The following TPRG1 variants were observed in gnomAD, a reference collection of about 807,000 sequenced individuals.
The protein encoded by TPRG1 is tumor protein p63 regulated 1.
In TPRG1, 29 loss-of-function variants were observed where a neutral mutation model predicts 29.3. The observed-to-expected ratio is 0.99, with a 90% CI of 0.74 to 1.35. The LOEUF (loss-of-function observed/expected upper bound fraction) is 1.35, where lower values mean the gene tolerates loss of function less well. Among genes scored for constraint, TPRG1 ranks in the 40% most tolerant of loss-of-function variants. The pLI is 0.00. For missense variants in TPRG1, 327 were observed against 335.0 expected (o/e 0.98, Z 0.19); for synonymous variants, 130 against 116.8 (o/e 1.11, Z -0.73).
chr3:189,049,086 G>C (rs916015021), intron 4 of TPRG1, among the ~76,000 whole-genome samples: 1 of 152,156 alleles, frequency 6.6e-6, no homozygotes, highest in South Asian at 2.1e-4. Flanking sequence ...ACAGGGAGAA[G>C]GAATTCTCTA....
chr3:189,080,713 A>G lies in TPRG1; in HGVS notation c.-462-46344A>G, dbSNP rs137998643. Among the ~76,000 whole-genome samples the G allele has an allele frequency of 8.5e-3, 1,300 of 152,218 alleles. 10 individuals carry two copies. The highest frequency in any genetic ancestry group is 0.013 in the Admixed American group (203 of 15,282). ...TTTGGGAAAATGGGACCTAAAAGATAAAAAACAAGGAGGTATGAGGTATAT... is the reference window on the plus strand; with the variant it reads ...TTTGGGAAAATGGGACCTAAAAGATGAAAAACAAGGAGGTATGAGGTATAT... On this transcript the variant is annotated intron_variant, in intron 4 of 10. Coordinates refer to the TPRG1 transcript ENST00000433971.
chr3:189,155,102 T>G (rs556333910), intron 5 of TPRG1, among the ~76,000 whole-genome samples: 2 of 151,934 alleles, frequency 1.3e-5, no homozygotes, highest in Admixed American at 6.6e-5. Flanking sequence ...GAGGCTAATA[T>G]GGTTGGGGAA....
chr3:189,124,313 A>T (rs1722174637), intron 1 of TPRG1, among the ~76,000 whole-genome samples: 1 of 152,068 alleles, frequency 6.6e-6, no homozygotes, highest in Admixed American at 6.6e-5. Context: ...AGCATATTTA[A>T]AGTGCAAGGG....
At chr3:189,151,171 C>T (rs895725174) in intron 5 of TPRG1, 2 of 152,170 alleles carry the variant, frequency 1.3e-5, no homozygotes, top group African/African-American at 4.8e-5. Flanking sequence ...AAGACCTGTG[C>T]AAAACACTTC....
At chr3:189,159,206 G>T (rs773704628) in intron 5 of TPRG1, among the ~76,000 whole-genome samples, 10 of 151,924 alleles carry the variant, frequency 6.6e-5, no homozygotes, top group Non-Finnish European at 1.3e-4. Flanking sequence ...ATGATAATTC[G>T]TTTGAGCCAT....
intron 3 of TPRG1, among the ~76,000 whole-genome samples, chr3:189,146,458 C>G (rs1215685430): frequency 6.6e-6 from 1 of 152,016 alleles, no homozygotes; most frequent in East Asian, 1.9e-4. Flanking sequence ...AATGGATTCT[C>G]AAAAAAACAA....
intron 4 of TPRG1, among the ~76,000 whole-genome samples, chr3:189,259,485 T>A (rs954423683): frequency 1.6e-5 from 2 of 124,254 alleles, no homozygotes; most frequent in Admixed American, 8.3e-5. Context: ...TTTTTTTTTT[T>A]ACGAAGTCTT....
At chr3:189,162,893 T>C (rs1024365357) in intron 5 of TPRG1, among the ~76,000 whole-genome samples, 1 of 152,236 alleles carries the variant, frequency 6.6e-6, no homozygotes, top group African/African-American at 2.4e-5. Flanking sequence ...GTAAGGTGTT[T>C]ACCGCAGTTT....
intron 4 of TPRG1, among the ~76,000 whole-genome samples, chr3:189,027,922 T>C (rs1242161980): frequency 1.3e-5 from 2 of 152,132 alleles, no homozygotes; most frequent in Non-Finnish European, 2.9e-5. Flanking sequence ...AGAACTGACG[T>C]AGTGGCCATT....
intron 1 of TPRG1, among the ~76,000 whole-genome samples, chr3:189,177,420 CTATACATATATATG>C (rs1729624578): frequency 6.6e-6 from 1 of 150,532 alleles, no homozygotes; most frequent in African/African-American, 2.4e-5. Context: ...ATATATATGT[CTATACATATATATG>C]TATACATATA....
chr3:189,208,406 C>T (rs913021199), intron 2 of TPRG1, among the ~76,000 whole-genome samples: 3 of 152,026 alleles, frequency 2.0e-5, no homozygotes. Context: ...TTCATGTGTA[C>T]GTGGGAGATC....
intron 3 of TPRG1, among the ~76,000 whole-genome samples, chr3:189,141,422 G>A (rs7609831): frequency 0.018 from 2,727 of 152,194 alleles, 83 homozygotes; most frequent in African/African-American, 0.061. Context: ...CAGACACTGT[G>A]TTAGGCACCA....
At chr3:189,189,174 G>T (rs1019422211) in intron 1 of TPRG1, among the ~76,000 whole-genome samples, 5 of 151,908 alleles carry the variant, frequency 3.3e-5, no homozygotes, top group African/African-American at 4.8e-5. Context: ...ATTACCTAGA[G>T]AAAACTAATG....
chr3:189,047,775 C>T (rs549639281), intron 4 of TPRG1, among the ~76,000 whole-genome samples: 7 of 152,274 alleles, frequency 4.6e-5, no homozygotes, highest in African/African-American at 1.4e-4. Flanking sequence ...AAACAACTTT[C>T]TTTGCTTCTC....
upstream of TPRG1, among the ~76,000 whole-genome samples, chr3:189,097,132 T>C (rs116467226): frequency 4.4e-3 from 663 of 152,356 alleles, 2 homozygotes; most frequent in Admixed American, 0.011. Flanking sequence ...GTCTTTCAAA[T>C]GTTGGCACAT....
At chr3:189,224,905 C>T (rs1323332952) in intron 3 of TPRG1, among the ~76,000 whole-genome samples, 2 of 151,828 alleles carry the variant, frequency 1.3e-5, no homozygotes, top group Non-Finnish European at 2.9e-5. Flanking sequence ...TTCATGAGAG[C>T]CACCTATAGG....
intron 4 of TPRG1, among the ~76,000 whole-genome samples, chr3:189,052,397 C>T (rs1715381278): frequency 6.6e-6 from 1 of 152,090 alleles, no homozygotes; most frequent in Non-Finnish European, 1.5e-5. Context: ...TGAGATACCA[C>T]CTTACTCCTG....
intron 5 of TPRG1, among the ~76,000 whole-genome samples, chr3:189,311,430 C>T (rs1404522972): frequency 2.0e-5 from 3 of 152,118 alleles, no homozygotes; most frequent in African/African-American, 7.2e-5. Flanking sequence ...GCATATATTA[C>T]ATTTCTTGCA....
At chr3:189,236,592 A>T (rs1739484587) in intron 3 of TPRG1, among the ~76,000 whole-genome samples, 2 of 152,142 alleles carry the variant, frequency 1.3e-5, no homozygotes, top group South Asian at 4.1e-4. Flanking sequence ...ACTTTATGCC[A>T]TTTCCTTTCA....
Sources: allele counts gnomAD v4.1 joint callset (sites outside exome capture counted in the v4.1 genomes callset), GRCh38; gene constraint gnomAD v4.1.1; transcripts MANE v1.5; gene names NCBI Gene and HGNC (gene_info 2026-07-23, HGNC 2026-07-21).